MS4A8: variants seen among roughly 807,000 people sequenced by gnomAD.
MS4A8 encodes membrane-spanning 4-domains subfamily A member 8.
MS4A8 carries 27 observed loss-of-function variants against 23.7 expected under a neutral mutation model. The ratio of observed to expected loss-of-function variants is 1.14; its 90% confidence interval spans 0.84 to 1.57. The LOEUF (loss-of-function observed/expected upper bound fraction) is 1.57, where lower values mean the gene tolerates loss of function less well. Among genes scored for constraint, MS4A8 ranks in the 40% most tolerant of loss-of-function variants. The pLI, the probability that MS4A8 is intolerant of heterozygous loss-of-function variation, is 0.00. For missense variants in MS4A8, 301 were observed against 311.4 expected (o/e 0.97, Z 0.25); for synonymous variants, 138 against 126.3 (o/e 1.09, Z -0.62).
chr11:60,713,309 C>T (rs1282721630), intron 5 of MS4A8, among the ~76,000 whole-genome samples: 1 of 152,120 alleles, frequency 6.6e-6, no homozygotes, highest in Non-Finnish European at 1.5e-5. Context: ...AGGGGACCGG[C>T]GTTCAGCATA....
At position 60,715,054 on chromosome 11, in the gene MS4A8, G is replaced by A; in HGVS notation, c.568G>A (p.Val190Ile). The change falls in exon 6 of 7, where the codon GTC (valine) becomes ATC (isoleucine). Residue 190 changes from valine to isoleucine, a missense_variant. By Grantham distance (29) the Val-to-Ile change is conservative (BLOSUM62 3). Transcript: ENST00000300226. Reference sequence around the variant, plus strand: ...AATGGCGATTTCTGGCGTGCTGCTGGTCTTCTGCCTCCTGGAGTTTGGCAT... The same window carrying A: ...AATGGCGATTTCTGGCGTGCTGCTGATCTTCTGCCTCCTGGAGTTTGGCAT... The part of the protein sequence containing the change: ...PGMAISGVLL[V>I]FCLLEFGIAC... 1.2e-6 allele frequency: 2 copies of A among 1,614,112 alleles called. No individual in the cohort carries two copies. The highest frequency in any genetic ancestry group is 8.5e-7 in the Non-Finnish European group (1 of 1,180,016).
intron 3 of MS4A8, among the ~76,000 whole-genome samples, chr11:60,705,237 C>T (rs113989085): frequency 0.045 from 6,833 of 152,272 alleles, 482 homozygotes; most frequent in African/African-American, 0.16. Context: ...CTCTGACCTT[C>T]GTGGAATGTG....
At chr11:60,706,933 G>C (rs956027677) in intron 3 of MS4A8, 55 bp from the exon 4 acceptor site, 1 of 1,505,024 alleles carries the variant, frequency 6.6e-7, no homozygotes, top group Non-Finnish European at 9.2e-7. Context: ...CAGAAGCCTG[G>C]GGAAGGGCAC....
intron 5 of MS4A8, among the ~76,000 whole-genome samples, chr11:60,709,680 CTCTG>C (rs1488024012): frequency 2.0e-5 from 3 of 152,202 alleles, no homozygotes; most frequent in South Asian, 2.1e-4. Context: ...AAATTCAATC[CTCTG>C]TCTGCGCAAC....
Position 60,703,372 on chromosome 11 carries a change from T to G in MS4A8, c.220-6T>G. The stretch of plus-strand genomic sequence containing the variant: ...ACAAGACTTCAGCTTGTGGCTCTCC[T>G]GACAGGCCATCCAGATCATCATTGG... On this transcript the variant is annotated splice_region_variant and splice_polypyrimidine_tract_variant and intron_variant, in intron 2 of 6. Coordinates refer to ENST00000300226, the MANE Select transcript of MS4A8 (RefSeq NM_031457.2). 1.9e-6 allele frequency: 3 copies of G among 1,554,606 alleles called. No homozygotes were observed. The highest frequency in any genetic ancestry group is 1.7e-6 in the Non-Finnish European group (2 of 1,151,932).
chr11:60,708,365 C>T lies in MS4A8; in HGVS notation c.403-285C>T, dbSNP rs143377969. ...AAAACCTTTCTTGCACAGAACACCCCTTTACTTGCAGTGGAAATAGGGTTC... is the reference window on the plus strand; with the variant it reads ...AAAACCTTTCTTGCACAGAACACCCTTTTACTTGCAGTGGAAATAGGGTTC... On this transcript the variant is annotated intron_variant, in intron 4 of 6. Transcript: ENST00000300226. 9.2e-5 allele frequency among the ~76,000 whole-genome samples: 14 copies of T among 152,330 alleles called. No individual in the cohort carries two copies. In the East Asian group the frequency reaches 2.7e-3, roughly 29 times the overall value.
chr11:60,703,628 ACCAG>A, intron 3 of MS4A8, 128 bp downstream of exon 3: 1 of 1,123,852 alleles, frequency 8.9e-7, no homozygotes, highest in Non-Finnish European at 1.3e-6. Flanking sequence ...GGGATAGGAA[ACCAG>A]CCAGCCCTGG....
intron 4 of MS4A8, among the ~76,000 whole-genome samples, chr11:60,707,898 C>T (rs1286094800): frequency 4.5e-5 from 6 of 134,684 alleles, no homozygotes; most frequent in African/African-American, 1.6e-4. Context: ...GGTTTGATCT[C>T]AACTCACTGC....
chr11:60,705,192 T>C (rs1013681604), intron 3 of MS4A8, among the ~76,000 whole-genome samples: 4 of 152,164 alleles, frequency 2.6e-5, no homozygotes, highest in African/African-American at 9.7e-5. Context: ...CCCCTTTCCC[T>C]CCCACAACCA....
intron 5 of MS4A8, among the ~76,000 whole-genome samples, chr11:60,710,321 A>G (rs992087043): frequency 4.6e-5 from 7 of 152,164 alleles, no homozygotes. Context: ...CTCATAGTTC[A>G]TACATCCAAG....
intron 5 of MS4A8, 152 bp downstream of exon 5, chr11:60,708,933 C>G: frequency 1.1e-6 from 1 of 873,904 alleles, no homozygotes. Flanking sequence ...AAGTCCTTGA[C>G]CCATAGCTTT....
chr11:60,700,126 G>A (rs1254098945), intron 1 of MS4A8, among the ~76,000 whole-genome samples: 6 of 152,168 alleles, frequency 3.9e-5, no homozygotes, highest in Non-Finnish European at 8.8e-5. Context: ...GAGGATTCTT[G>A]TCCACTCTCT....
In MS4A8 at chr11:60,712,166, C is replaced by T. The variant is rs2088306040; in HGVS notation, c.535-2855C>T. 5 of 272,456 alleles carry T rather than the reference C, an allele frequency of 1.8e-5. No homozygotes were observed. In the South Asian group the frequency reaches 2.8e-4, roughly 15 times the overall value. 16.9% of individuals were successfully genotyped at this position (272,456 alleles called of 1,614,324 possible). On this transcript the variant is annotated intron_variant, in intron 5 of 6. Transcript: ENST00000300226. Reference sequence around the variant, plus strand: ...TCCGTTGACTTAGACATCCTGCACTCCCCTTTTCCTGGGACAACTGCCTCT... The same window carrying T: ...TCCGTTGACTTAGACATCCTGCACTTCCCTTTTCCTGGGACAACTGCCTCT...
Position 60,715,577 on chromosome 11 carries a change from C to A in MS4A8, c.*163C>A. The stretch of plus-strand genomic sequence containing the variant: ...CTTCAATTCAGTCTAGGAAACCATG[C>A]TGTTTCTCTATCAAGAAGAAGACAG... On this transcript the variant is annotated 3_prime_UTR_variant, in exon 7 of 7. Coordinates refer to ENST00000300226, the MANE Select transcript of MS4A8 (RefSeq NM_031457.2). The A allele has an allele frequency of 1.6e-6, 1 of 611,718 alleles. No homozygotes were observed. The highest frequency in any genetic ancestry group is 2.9e-6 in the Non-Finnish European group (1 of 347,816). 37.9% of individuals were successfully genotyped at this position (611,718 alleles called of 1,614,324 possible).
chr11:60,702,646 G>A (rs11230450), intron 2 of MS4A8, among the ~76,000 whole-genome samples: 78,907 of 152,036 alleles, frequency 0.52, 21,449 homozygotes, highest in Non-Finnish European at 0.61. Context: ...TGATCCGCCC[G>A]TCTCAGCTTC....
chr11:60,712,651 A>G, intron 5 of MS4A8: 4 of 241,098 alleles, frequency 1.7e-5, no homozygotes, highest in Non-Finnish European at 2.7e-5. Flanking sequence ...AAAATTAGCC[A>G]GGCATGGTAG....
intron 5 of MS4A8, among the ~76,000 whole-genome samples, chr11:60,712,807 T>A (rs187030584): frequency 0.046 from 6,915 of 151,466 alleles, 493 homozygotes; most frequent in African/African-American, 0.16. Flanking sequence ...AAAAAAAAAT[T>A]AAAAAATCAT....
chr11:60,710,848 C>T (rs1330188331), intron 5 of MS4A8, among the ~76,000 whole-genome samples: 3 of 152,188 alleles, frequency 2.0e-5, no homozygotes, highest in African/African-American at 7.2e-5. Flanking sequence ...TCCAACACTC[C>T]AGGCATCTTT....
chr11:60,708,609 C>T (rs769995734), intron 4 of MS4A8, 41 bp from the exon 5 acceptor site: 3 of 1,478,728 alleles, frequency 2.0e-6, no homozygotes, highest in South Asian at 1.5e-5. Flanking sequence ...TCAGCTATAA[C>T]AGCTTTTCTC....
Sources: allele counts gnomAD v4.1 joint callset (sites outside exome capture counted in the v4.1 genomes callset), GRCh38; gene constraint gnomAD v4.1.1; transcripts MANE v1.5; gene names NCBI Gene and HGNC (gene_info 2026-07-23, HGNC 2026-07-21).